Variants in MIR2052HG observed in about 807,000 individuals in gnomAD.
The protein encoded by MIR2052HG is MIR2052 host gene.
intron 2 of MIR2052HG, among the ~76,000 whole-genome samples, chr8:74,666,324 A>G (rs1002733267): frequency 9.9e-5 from 15 of 152,214 alleles, no homozygotes; most frequent in Admixed American, 2.6e-4. Context: ...ACAGCACTTA[A>G]AAATAAAAGC....
At chr8:74,712,916 G>A (rs530070789) in intron 4 of MIR2052HG, among the ~76,000 whole-genome samples, 52 of 152,218 alleles carry the variant, frequency 3.4e-4, no homozygotes, top group Admixed American at 1.6e-3. Flanking sequence ...TTACAGCGGG[G>A]AATGCAGATA....
intron 4 of MIR2052HG, among the ~76,000 whole-genome samples, chr8:74,735,444 G>A (rs1809735872): frequency 6.6e-6 from 1 of 152,178 alleles, no homozygotes; most frequent in African/African-American, 2.4e-5. Context: ...AGACAGCAGT[G>A]CAGTGAGTGC....
At chr8:74,675,822 C>T (rs933390559) in intron 2 of MIR2052HG, among the ~76,000 whole-genome samples, 1 of 151,934 alleles carries the variant, frequency 6.6e-6, no homozygotes, top group Admixed American at 6.6e-5. Context: ...CCTGAAATCA[C>T]ACTATCTAAT....
intron 5 of MIR2052HG, among the ~76,000 whole-genome samples, chr8:74,755,381 T>C (rs1289704613): frequency 6.6e-6 from 1 of 152,188 alleles, no homozygotes; most frequent in Non-Finnish European, 1.5e-5. Flanking sequence ...TAACCACAAA[T>C]ACGCGGTTTC....
At chr8:74,619,729 T>C (rs2553717) in intron 2 of MIR2052HG, among the ~76,000 whole-genome samples, 110,813 of 152,120 alleles carry the variant, frequency 0.73, 41,124 homozygotes, top group African/African-American at 0.89. Context: ...TGGTCCCACC[T>C]TGACATGTGG....
At chr8:74,646,927 CAAATAAAT>C (rs55655738) in intron 2 of MIR2052HG, among the ~76,000 whole-genome samples, 3 of 151,108 alleles carry the variant, frequency 2.0e-5, no homozygotes, top group Admixed American at 6.6e-5. Flanking sequence ...AACCCTGTCT[CAAATAAAT>C]AAATAAATAA....
At chr8:74,605,950 G>C (rs1808104415) in intron 1 of MIR2052HG, among the ~76,000 whole-genome samples, 1 of 152,186 alleles carries the variant, frequency 6.6e-6, no homozygotes, top group Non-Finnish European at 1.5e-5. Context: ...TTAGCCGGCG[G>C]CCAAGAGACG....
chr8:74,631,257 T>C (rs1261443851), intron 2 of MIR2052HG, among the ~76,000 whole-genome samples: 1 of 152,098 alleles, frequency 6.6e-6, no homozygotes, highest in Non-Finnish European at 1.5e-5. Flanking sequence ...ATCTGTGGAG[T>C]AGGAGGGAAA....
At chr8:74,623,427 G>A (rs955975149) in intron 2 of MIR2052HG, among the ~76,000 whole-genome samples, 1 of 152,178 alleles carries the variant, frequency 6.6e-6, no homozygotes, top group African/African-American at 2.4e-5. Flanking sequence ...TCACTGAAGT[G>A]TACACAGTGT....
At chr8:74,649,154 G>C (rs1259969935) in intron 2 of MIR2052HG, among the ~76,000 whole-genome samples, 1 of 152,090 alleles carries the variant, frequency 6.6e-6, no homozygotes, top group African/African-American at 2.4e-5. Flanking sequence ...AGATAATGTT[G>C]ATAATATGAT....
intron 4 of MIR2052HG, among the ~76,000 whole-genome samples, chr8:74,721,662 A>G (rs1809579339): frequency 6.6e-6 from 1 of 152,208 alleles, no homozygotes; most frequent in Non-Finnish European, 1.5e-5. Context: ...AAGAGGGTGA[A>G]AGGAAAGCTG....
At chr8:74,670,570 A>G (rs1563528034) in intron 2 of MIR2052HG, among the ~76,000 whole-genome samples, 1 of 152,196 alleles carries the variant, frequency 6.6e-6, no homozygotes, top group Non-Finnish European at 1.5e-5. Flanking sequence ...GAGATACGCT[A>G]ATCACTAGAG....
chr8:74,673,327 C>G (rs1392298998), intron 2 of MIR2052HG, among the ~76,000 whole-genome samples: 1 of 151,998 alleles, frequency 6.6e-6, no homozygotes, highest in Non-Finnish European at 1.5e-5. Context: ...CTCTCATGAG[C>G]ACCTAGAGGG....
intron 2 of MIR2052HG, among the ~76,000 whole-genome samples, chr8:74,661,885 A>G (rs922584341): frequency 2.0e-5 from 3 of 152,222 alleles, no homozygotes; most frequent in Admixed American, 6.5e-5. Flanking sequence ...ACAAATCACT[A>G]TGTCTGATTC....
chr8:74,752,840 G>GA (rs1809961996), intron 5 of MIR2052HG, among the ~76,000 whole-genome samples: 1 of 152,174 alleles, frequency 6.6e-6, no homozygotes, highest in South Asian at 2.1e-4. Context: ...TGTAGCAGCT[G>GA]AAAAAACTTT....
chr8:74,619,268 AT>A (rs1808328183), intron 2 of MIR2052HG, among the ~76,000 whole-genome samples: 1 of 150,154 alleles, frequency 6.7e-6, no homozygotes, highest in Non-Finnish European at 1.5e-5. Context: ...ATAAAAAAAA[AT>A]TCTAAAATTT....
intron 4 of MIR2052HG, among the ~76,000 whole-genome samples, chr8:74,725,384 T>C (rs2128754375): frequency 6.6e-6 from 1 of 152,314 alleles, no homozygotes; most frequent in Middle Eastern, 3.4e-3. Context: ...CCTTGTATGA[T>C]TCTCACAGAA....
intron 2 of MIR2052HG, among the ~76,000 whole-genome samples, chr8:74,669,498 A>C (rs1194086453): frequency 6.6e-6 from 1 of 152,170 alleles, no homozygotes; most frequent in Non-Finnish European, 1.5e-5. Flanking sequence ...CTAAGACTTA[A>C]ATGAGATCTT....
At chr8:74,754,010 A>G (rs1271443090) in intron 5 of MIR2052HG, among the ~76,000 whole-genome samples, 1 of 152,210 alleles carries the variant, frequency 6.6e-6, no homozygotes, top group African/African-American at 2.4e-5. Context: ...GAGAAGCATC[A>G]TAGATTAGTA....
Sources: allele counts gnomAD v4.1 joint callset (sites outside exome capture counted in the v4.1 genomes callset), GRCh38; gene constraint gnomAD v4.1.1; transcripts MANE v1.5; gene names NCBI Gene and HGNC (gene_info 2026-07-23, HGNC 2026-07-21).